CSGALNACT1: variants seen among roughly 807,000 people sequenced by gnomAD.
The protein encoded by CSGALNACT1 is beta4GalNAcT-1.
A neutral mutation model predicts 51.0 loss-of-function variants in CSGALNACT1; 52 were observed. The observed-to-expected ratio is 1.02, with a 90% CI of 0.82 to 1.29. The LOEUF (loss-of-function observed/expected upper bound fraction) is 1.29. Among genes scored for constraint, CSGALNACT1 ranks in the 50% most tolerant of loss-of-function variants. CSGALNACT1 has a pLI of 0.00. For missense variants in CSGALNACT1, 935 were observed against 679.2 expected (o/e 1.38, Z -4.19); for synonymous variants, 341 against 254.4 (o/e 1.34, Z -3.24).
intron 1 of CSGALNACT1, among the ~76,000 whole-genome samples, chr8:19,664,089 C>T (rs186882506): frequency 1.5e-3 from 225 of 152,290 alleles, no homozygotes; most frequent in Non-Finnish European, 2.3e-3. Flanking sequence ...CACAATGGCT[C>T]GGCCCAGGCT....
At chr8:19,541,987 C>T (rs1488823437) in intron 3 of CSGALNACT1, among the ~76,000 whole-genome samples, 1 of 151,940 alleles carries the variant, frequency 6.6e-6, no homozygotes, top group Non-Finnish European at 1.5e-5. Flanking sequence ...GGAATGGAGG[C>T]AAGATGTGTT....
chr8:19,656,419 G>T (rs1186967936), intron 1 of CSGALNACT1, among the ~76,000 whole-genome samples: 1 of 152,016 alleles, frequency 6.6e-6, no homozygotes, highest in Non-Finnish European at 1.5e-5. Flanking sequence ...GGATGCTAGT[G>T]CCAGAAGAAA....
At chr8:19,427,074 A>C (rs574857607) in intron 6 of CSGALNACT1, among the ~76,000 whole-genome samples, 8 of 152,166 alleles carry the variant, frequency 5.3e-5, no homozygotes, top group Non-Finnish European at 8.8e-5. Flanking sequence ...ACATGTTATC[A>C]TCCAATTTTT....
intron 1 of CSGALNACT1, among the ~76,000 whole-genome samples, chr8:19,681,471 G>T (rs113565309): frequency 2.6e-5 from 4 of 152,154 alleles, no homozygotes; most frequent in African/African-American, 9.7e-5. Flanking sequence ...TTAAAAGGAA[G>T]AACTGGGGAC....
At chr8:19,511,219 G>C (rs543131353) in intron 3 of CSGALNACT1, among the ~76,000 whole-genome samples, 1 of 152,320 alleles carries the variant, frequency 6.6e-6, no homozygotes, top group African/African-American at 2.4e-5. Flanking sequence ...AATTCTGCAA[G>C]ACATCTCCAC....
chr8:19,480,463 C>T (rs1324238899), intron 4 of CSGALNACT1, among the ~76,000 whole-genome samples: 5 of 152,186 alleles, frequency 3.3e-5, no homozygotes, highest in Admixed American at 3.3e-4. Context: ...TTTTTTATGG[C>T]TGCATAGTAC....
intron 3 of CSGALNACT1, among the ~76,000 whole-genome samples, chr8:19,584,208 A>G (rs914756217): frequency 5.3e-5 from 8 of 152,182 alleles, no homozygotes; most frequent in Non-Finnish European, 8.8e-5. Flanking sequence ...TAACTAAACA[A>G]TCACCTCCCA....
At chr8:19,541,069 G>A (rs761389132) in intron 3 of CSGALNACT1, among the ~76,000 whole-genome samples, 2 of 151,034 alleles carry the variant, frequency 1.3e-5, no homozygotes, top group Non-Finnish European at 3.0e-5. Flanking sequence ...TTATACTAAT[G>A]TATTTTCTCT....
chr8:19,431,899 C>T (rs1349600766), intron 6 of CSGALNACT1, among the ~76,000 whole-genome samples: 1 of 151,692 alleles, frequency 6.6e-6, no homozygotes, highest in African/African-American at 2.4e-5. Context: ...CATTCCTGTG[C>T]TGTTATTGTA....
chr8:19,666,357 T>C (rs1650306781), intron 1 of CSGALNACT1, among the ~76,000 whole-genome samples: 1 of 152,182 alleles, frequency 6.6e-6, no homozygotes, highest in Non-Finnish European at 1.5e-5. Flanking sequence ...CTGTCTCTTC[T>C]ACTTCTTCCT....
intron 4 of CSGALNACT1, among the ~76,000 whole-genome samples, chr8:19,488,361 T>TTATA (rs2073511807): frequency 1.1e-5 from 1 of 89,836 alleles, no homozygotes. Flanking sequence ...TTATATATAT[T>TTATA]TATATATACA....
At chr8:19,706,876 C>T (rs1029311074) in intron 1 of CSGALNACT1, among the ~76,000 whole-genome samples, 1 of 152,148 alleles carries the variant, frequency 6.6e-6, no homozygotes, top group Non-Finnish European at 1.5e-5. Flanking sequence ...ATTCTCCCTG[C>T]CTGGCCTCCC....
At chr8:19,749,580 G>A (rs969373331) in intron 1 of CSGALNACT1, among the ~76,000 whole-genome samples, 1 of 152,148 alleles carries the variant, frequency 6.6e-6, no homozygotes, top group Non-Finnish European at 1.5e-5. Context: ...AGGCGGCTCA[G>A]TATCATAAAA....
At chr8:19,513,918 C>G (rs900735307) in intron 3 of CSGALNACT1, among the ~76,000 whole-genome samples, 1 of 152,134 alleles carries the variant, frequency 6.6e-6, no homozygotes, top group Non-Finnish European at 1.5e-5. Flanking sequence ...CATAACTATA[C>G]TTTCAAAGAA....
chr8:19,594,428 C>T (rs935902872), intron 2 of CSGALNACT1, among the ~76,000 whole-genome samples: 8 of 152,078 alleles, frequency 5.3e-5, no homozygotes, highest in Non-Finnish European at 8.8e-5. Context: ...TACAGTGAGA[C>T]GAACAATAAC....
chr8:19,494,761 T>G (rs971662697), intron 4 of CSGALNACT1, among the ~76,000 whole-genome samples: 2 of 152,088 alleles, frequency 1.3e-5, no homozygotes, highest in Non-Finnish European at 1.5e-5. Context: ...TATGGAAACC[T>G]TCAGATGAAG....
At chr8:19,595,859 G>A (rs1030722264) in intron 2 of CSGALNACT1, among the ~76,000 whole-genome samples, 2 of 103,610 alleles carry the variant, frequency 1.9e-5, no homozygotes, top group Non-Finnish European at 3.6e-5. Context: ...TTCAGTTAAT[G>A]TATTTTTTTT....
intron 3 of CSGALNACT1, among the ~76,000 whole-genome samples, chr8:19,538,175 A>T (rs2084211794): frequency 1.3e-5 from 2 of 152,076 alleles, no homozygotes; most frequent in South Asian, 4.1e-4. Flanking sequence ...AAGAGAAAAT[A>T]AAAGTGAGCC....
chr8:19,501,026 G>T (rs1025623181), intron 4 of CSGALNACT1, among the ~76,000 whole-genome samples: 5 of 152,056 alleles, frequency 3.3e-5, no homozygotes, highest in Admixed American at 3.3e-4. Context: ...GAGATGGGCC[G>T]ATCACTTGAG....
Sources: gnomAD v4.1 joint callset for allele counts (sites outside exome capture counted in the v4.1 genomes callset) on GRCh38, gnomAD v4.1.1 for gene constraint, MANE v1.5 for transcripts, NCBI Gene and HGNC (gene_info 2026-07-23, HGNC 2026-07-21) for gene names.